The following SYT15B variants were observed in gnomAD, a reference collection of about 807,000 sequenced individuals.
The protein encoded by SYT15B is synaptotagmin 15B.
chr10:47,748,622 C>G, the SYT15B span, among the ~76,000 whole-genome samples: 3 of 152,196 alleles, frequency 2.0e-5, no homozygotes, highest in Admixed American at 2.0e-4. Context: ...TTCTTTTCCC[C>G]TCCCTCCCTC....
the SYT15B span, among the ~76,000 whole-genome samples, chr10:47,748,223 T>A: frequency 3.2e-4 from 47 of 147,412 alleles, 2 homozygotes; most frequent in East Asian, 9.8e-3. Context: ...TATTATTATT[T>A]TTTGAGACGG....
At chr10:47,756,566 AC>A in the SYT15B span, among the ~76,000 whole-genome samples, 1 of 147,664 alleles carries the variant, frequency 6.8e-6, no homozygotes, top group Non-Finnish European at 1.5e-5. Context: ...GGCCCCTTAA[AC>A]ACCTTGTACA....
the SYT15B span, among the ~76,000 whole-genome samples, chr10:47,762,210 G>A: frequency 1.3e-5 from 2 of 151,916 alleles, no homozygotes; most frequent in African/African-American, 4.8e-5. Context: ...GGTGCGACGC[G>A]GTGGACGAGG....
the SYT15B span, chr10:47,760,854 C>T: frequency 7.2e-7 from 1 of 1,387,810 alleles, no homozygotes; most frequent in Non-Finnish European, 9.7e-7. Flanking sequence ...GGGCATCGGC[C>T]CACTCTCCAC....
At chr10:47,747,211 A>T in the SYT15B span, among the ~76,000 whole-genome samples, 1 of 151,974 alleles carries the variant, frequency 6.6e-6, no homozygotes, top group Admixed American at 6.6e-5. Context: ...AAGGCAGCAG[A>T]GTCTTCAGCT....
chr10:47,756,448 T>A, the SYT15B span, among the ~76,000 whole-genome samples: 1 of 138,940 alleles, frequency 7.2e-6, no homozygotes, highest in Non-Finnish European at 1.6e-5. Flanking sequence ...CCTCTTTGCA[T>A]CAGGAAAGTA....
the SYT15B span, among the ~76,000 whole-genome samples, chr10:47,745,924 GCA>G: frequency 1.9e-4 from 29 of 151,042 alleles, no homozygotes; most frequent in African/African-American, 6.8e-4. Context: ...ACACAGATAT[GCA>G]TCTGCACAAT....
chr10:47,748,522 T>C, the SYT15B span, among the ~76,000 whole-genome samples: 8 of 152,128 alleles, frequency 5.3e-5, no homozygotes, highest in Admixed American at 4.6e-4. Context: ...CCAGGCACAC[T>C]ATACTTAAAC....
the SYT15B span, among the ~76,000 whole-genome samples, chr10:47,754,953 CTT>C: frequency 3.6e-5 from 1 of 27,906 alleles, no homozygotes; most frequent in African/African-American, 8.0e-5. Context: ...CTTTCTTTTT[CTT>C]TTCTTTTCTT....
At chr10:47,754,963 C>CT in the SYT15B span, among the ~76,000 whole-genome samples, 47 of 74,960 alleles carry the variant, frequency 6.3e-4, no homozygotes, top group African/African-American at 2.3e-3. Flanking sequence ...CTTTTCTTTT[C>CT]TTTTTTTTTT....
At chr10:47,756,414 G>A in the SYT15B span, among the ~76,000 whole-genome samples, 1 of 129,006 alleles carries the variant, frequency 7.8e-6, no homozygotes, top group Non-Finnish European at 1.6e-5. Context: ...GCCCAGGCGG[G>A]GCTCCGCTCC....
chr10:47,757,252 A>AGCACAACC, the SYT15B span: 1 of 357,814 alleles, frequency 2.8e-6, no homozygotes, highest in Non-Finnish European at 3.7e-6. Context: ...CTTGGCACGC[A>AGCACAACC]GCACAACCAC....
At chr10:47,748,599 C>T in the SYT15B span, among the ~76,000 whole-genome samples, 1 of 152,300 alleles carries the variant, frequency 6.6e-6, no homozygotes, top group East Asian at 1.9e-4. Flanking sequence ...GGACACATTT[C>T]TTCTTTTCTT....
chr10:47,750,177 C>T, the SYT15B span, among the ~76,000 whole-genome samples: 1 of 151,770 alleles, frequency 6.6e-6, no homozygotes. Context: ...ATTTGACCAA[C>T]CTGATTAACA....
the SYT15B span, among the ~76,000 whole-genome samples, chr10:47,761,100 A>ATG: frequency 4.1e-4 from 29 of 71,228 alleles, no homozygotes; most frequent in Admixed American, 6.1e-4. Context: ...ACACACACAC[A>ATG]CGCACACACA....
chr10:47,759,302 TTTGG>T, the SYT15B span, among the ~76,000 whole-genome samples: 1 of 150,068 alleles, frequency 6.7e-6, no homozygotes, highest in East Asian at 2.0e-4. Context: ...GCTTCAGGCC[TTTGG>T]GATAATTCCC....
chr10:47,745,805 G>A, the SYT15B span, among the ~76,000 whole-genome samples: 3 of 143,002 alleles, frequency 2.1e-5, no homozygotes, highest in Non-Finnish European at 4.6e-5. Context: ...TAGTGTTGCA[G>A]TTCCCCTCAG....
chr10:47,762,849 C>G, the SYT15B span: 1 of 1,424,212 alleles, frequency 7.0e-7, no homozygotes, highest in African/African-American at 1.5e-5. Flanking sequence ...CCCAGCCAGT[C>G]CCTGGCCCAG....
the SYT15B span, chr10:47,763,114 C>A: frequency 1.0e-6 from 1 of 990,724 alleles, no homozygotes; most frequent in Non-Finnish European, 1.2e-6. Flanking sequence ...AGATCCTCCT[C>A]AAGCCGAGGC....
Sources: allele counts gnomAD v4.1 joint callset (sites outside exome capture counted in the v4.1 genomes callset), GRCh38; gene constraint gnomAD v4.1.1; transcripts MANE v1.5; gene names NCBI Gene and HGNC (gene_info 2026-07-23, HGNC 2026-07-21).